The following TRPM2 variants were observed in gnomAD, a reference collection of about 807,000 sequenced individuals.
The protein encoded by TRPM2 is estrogen-responsive element-associated gene 1 protein.
Under a neutral mutation model 174.0 loss-of-function variants are expected in TRPM2, and 161 were observed. That is an observed-to-expected ratio of 0.93 (90% CI 0.81 to 1.05). TRPM2 has a LOEUF of 1.05. Ranked by LOEUF, TRPM2 falls within the 50% of genes least tolerant of loss-of-function variation. TRPM2 has a pLI of 0.00. For synonymous variants in TRPM2, 954 were observed against 861.3 expected, an observed-to-expected ratio of 1.11 and a Z score of -1.88; for missense variants, 2,057 against 2,038.0, an observed-to-expected ratio of 1.01 and a Z score of -0.18.
intron 29 of TRPM2, among the ~76,000 whole-genome samples, chr21:44,437,689 C>T (rs1307910728): frequency 6.6e-6 from 1 of 152,164 alleles, no homozygotes; most frequent in African/African-American, 2.4e-5. Context: ...GGGGCTGAGG[C>T]TGGAGCGCAC....
chr21:44,425,033 G>A, intron 24 of TRPM2, 94 bp downstream of exon 24: 3 of 1,156,746 alleles, frequency 2.6e-6, no homozygotes, highest in Non-Finnish European at 3.7e-6. Flanking sequence ...GGGGTGGGGG[G>A]CTCTGTCCAG....
At chr21:44,409,531 A>G (rs2776380) in intron 19 of TRPM2, among the ~76,000 whole-genome samples, 61,044 of 98,982 alleles carry the variant, frequency 0.62, 18,582 homozygotes, top group East Asian at 0.72. Context: ...GCCTTGTAGT[A>G]AGTTTTGATC....
At chr21:44,420,791 T>C (rs2050520905) in intron 22 of TRPM2, among the ~76,000 whole-genome samples, 1 of 152,194 alleles carries the variant, frequency 6.6e-6, no homozygotes. Context: ...TGGAATATGA[T>C]GGCTGGCATG....
At position 44,405,838 on chromosome 21, in the gene TRPM2, G is replaced by A. The variant is rs951571622; in HGVS notation, c.2658-67G>A. ...GGGCTAGGACAGGTGGAGGGGCGACGGGGGACAGCTCTGGGGGCTGCTGTG... is the reference window on the plus strand; with the variant it reads ...GGGCTAGGACAGGTGGAGGGGCGACAGGGGACAGCTCTGGGGGCTGCTGTG... On this transcript the variant is annotated intron_variant, in intron 17 of 31. Transcript: ENST00000397928. The A allele has an allele frequency of 8.3e-6, 13 of 1,560,644 alleles. 1 individual carries two copies. The highest frequency in any genetic ancestry group is 1.0e-5 in the Non-Finnish European group (12 of 1,160,154).
At chr21:44,431,593 A>C (rs900423604) in intron 27 of TRPM2, among the ~76,000 whole-genome samples, 1 of 152,136 alleles carries the variant, frequency 6.6e-6, no homozygotes, top group East Asian at 1.9e-4. Context: ...CTCCTACCTC[A>C]GCCTCCCAAG....
intron 2 of TRPM2, among the ~76,000 whole-genome samples, chr21:44,359,271 C>A (rs1258357224): frequency 6.6e-6 from 1 of 152,030 alleles, no homozygotes; most frequent in Non-Finnish European, 1.5e-5. Context: ...TTACAATCCT[C>A]TTGTAAGACA....
At position 44,376,273 on chromosome 21, in the gene TRPM2, C is replaced by T. The variant is rs957776054; in HGVS notation, c.952+260C>T. On this transcript the variant is annotated intron_variant, in intron 6 of 31. Coordinates refer to ENST00000397928, the MANE Select transcript of TRPM2 (RefSeq NM_003307.4). The surrounding 1 kb of genome is among the most constrained non-coding windows in gnomAD (Gnocchi z 4.2). ...TGGTACTCGGAACGTCCTCAGAACA[C>T]ACCTGGGTTTCTTTCCCGTGTCTCT... is the stretch of plus-strand genomic sequence containing the variant. Among the ~76,000 whole-genome samples, 16 of 152,240 alleles carry T rather than the reference C, an allele frequency of 1.1e-4. No individual in the cohort carries two copies. The highest frequency in any genetic ancestry group is 3.1e-4 in the African/African-American group (13 of 41,460).
rs773779012 is a variant in TRPM2, at chr21:44,367,423, T to C, written c.604+489T>C. On this transcript the variant is annotated intron_variant, in intron 4 of 31. Transcript: ENST00000397928. This position sits in a 1 kb window ranked among gnomAD's most constrained non-coding sequence, Gnocchi z 4.6. Reference sequence around the variant, plus strand: ...CATCAAAATCAGGGAAGGAGCATTATTATTTCCATCTCTTCACTTAAGGCA... The same window carrying C: ...CATCAAAATCAGGGAAGGAGCATTACTATTTCCATCTCTTCACTTAAGGCA... Among the ~76,000 whole-genome samples the C allele has an allele frequency of 3.9e-5, 6 of 152,226 alleles. No homozygotes were observed. Among genetic ancestry groups the C allele is most frequent in the Non-Finnish European group, 7.3e-5 (5 of 68,036 alleles).
chr21:44,352,093 G>A (rs2122999334), upstream of TRPM2, among the ~76,000 whole-genome samples: 4 of 152,204 alleles, frequency 2.6e-5, no homozygotes, highest in Non-Finnish European at 5.9e-5. Flanking sequence ...GATCTCTCTA[G>A]AGCCTCCTCT....
Position 44,400,301 on chromosome 21 carries a change from A to C in TRPM2, c.2251A>C (p.Asn751His), listed in dbSNP as rs771593421. The change falls in exon 15 of 32, where the codon AAT becomes CAT. Residue 751 changes from asparagine to histidine, a missense_variant. Coordinates refer to ENST00000397928, the MANE Select transcript of TRPM2 (RefSeq NM_003307.4). ...GTGGTGGGGCCAGCTCTCCGTGGAC[A>C]ATGGGCTGTGGCGTGTGACCCTGTG... ...KVWWGQLSVD[N>H]GLWRVTLCML... 1 of 1,612,886 alleles carries C rather than the reference A, an allele frequency of 6.2e-7. No individual in the cohort carries two copies. The highest frequency in any genetic ancestry group is 8.5e-7 in the Non-Finnish European group (1 of 1,179,882).
Position 44,441,746 on chromosome 21 carries a change from C to G in TRPM2, c.4441C>G (p.Arg1481Gly). ...ASIRWQVVDR[R>G]IPLYANHKTL... Reference sequence around the variant, plus strand: ...CATCCGATGGCAGGTGGTGGACAGGCGCATCCCACTCTATGCGAACCACAA... The same window carrying G: ...CATCCGATGGCAGGTGGTGGACAGGGGCATCCCACTCTATGCGAACCACAA... Residue 1481 changes from arginine (R) to glycine (G), a missense_variant, in exon 32 of 32, where the codon CGC becomes GGC. Transcript: ENST00000397928. 1 of 1,612,118 alleles carries G rather than the reference C, an allele frequency of 6.2e-7. No individual in the cohort carries two copies.
At chr21:44,426,879 C>T in intron 26 of TRPM2, 131 bp from the exon 27 acceptor site, 1 of 1,332,984 alleles carries the variant, frequency 7.5e-7, no homozygotes, top group Non-Finnish European at 1.0e-6. Context: ...AGGGGCCCAG[C>T]TCCTACTGTT....
intron 16 of TRPM2, among the ~76,000 whole-genome samples, chr21:44,403,877 TACAC>T (rs1170989216): frequency 1.3e-5 from 2 of 148,612 alleles, no homozygotes; most frequent in Non-Finnish European, 3.0e-5. Context: ...TACACATACA[TACAC>T]ATGCACATAC....
At chr21:44,389,793 C>T (rs533664621) in intron 9 of TRPM2, among the ~76,000 whole-genome samples, 9 of 151,718 alleles carry the variant, frequency 5.9e-5, no homozygotes, top group South Asian at 2.1e-4. Flanking sequence ...ACAAATCGTT[C>T]GTCAGATATT....
chr21:44,379,143 C>T lies in TRPM2; in HGVS notation c.1161C>T (p.Phe387=), dbSNP rs1399869360. 1.2e-6 allele frequency: 2 copies of T among 1,613,494 alleles called. No individual in the cohort carries two copies. The highest frequency in any genetic ancestry group is 2.2e-5 in the East Asian group (1 of 44,894). Residue 387 remains phenylalanine, a synonymous_variant, in exon 8 of 32, where the codon TTC becomes TTT. Coordinates refer to ENST00000397928, the MANE Select transcript of TRPM2 (RefSeq NM_003307.4). The part of the protein sequence containing the change: ...SLIQQKLSVF[F]QEMFETFTES... Reference sequence around the variant, plus strand: ...TCCAGCAGAAACTGAGCGTGTTCTTCCAGGAGATGTTTGAGACCTTCACGG... The same window carrying T: ...TCCAGCAGAAACTGAGCGTGTTCTTTCAGGAGATGTTTGAGACCTTCACGG...
chr21:44,426,958 C>T, intron 26 of TRPM2, 52 bp from the exon 27 acceptor site: 1 of 1,523,250 alleles, frequency 6.6e-7, no homozygotes, highest in East Asian at 2.4e-5. Context: ...CCTGTCTGCT[C>T]TGTCCCACCT....
At position 44,418,450 on chromosome 21, in the gene TRPM2, C is replaced by T. The variant is rs137972023; in HGVS notation, c.3356C>T (p.Ala1119Val). 1,180 of 1,613,968 alleles carry T rather than the reference C, an allele frequency of 7.3e-4. No homozygotes were observed. Among genetic ancestry groups the T allele is most frequent in the Non-Finnish European group, 9.1e-4 (1,074 of 1,179,970 alleles). ...LKNKLEKNEE[A>V]ALLSWEIYLK... Reference sequence around the variant, plus strand: ...AACAAGCTGGAGAAGAACGAGGAGGCGGCCCTGCTATCCTGGGAGATCTAC... The same window carrying T: ...AACAAGCTGGAGAAGAACGAGGAGGTGGCCCTGCTATCCTGGGAGATCTAC... The change falls in exon 22 of 32, where the codon GCG becomes GTG. Residue 1119 changes from alanine (A) to valine (V), a missense_variant. By Grantham distance (64) the Ala-to-Val change is moderately conservative. Transcript: ENST00000397928.
At chr21:44,382,534 A>T (rs1050786839) in intron 8 of TRPM2, among the ~76,000 whole-genome samples, 184 bp from the exon 9 acceptor site, 1 of 152,140 alleles carries the variant, frequency 6.6e-6, no homozygotes, top group African/African-American at 2.4e-5. Context: ...AACATGATGT[A>T]TTTGGTCCCC....
intron 2 of TRPM2, among the ~76,000 whole-genome samples, chr21:44,356,485 A>G (rs888126265): frequency 2.0e-5 from 3 of 151,860 alleles, no homozygotes; most frequent in Non-Finnish European, 4.4e-5. Flanking sequence ...GAATAAAAGA[A>G]TGGCTTCTCC....
Sources: allele counts gnomAD v4.1 joint callset (sites outside exome capture counted in the v4.1 genomes callset), GRCh38; gene constraint gnomAD v4.1.1; non-coding constraint Gnocchi (gnomAD v3.1); transcripts MANE v1.5; gene names NCBI Gene and HGNC (gene_info 2026-07-23, HGNC 2026-07-21).